DIP2C: variants seen among roughly 807,000 people sequenced by gnomAD.
DIP2C encodes the protein DIP2 acetate--CoA ligase C (putative), also known as disco-interacting protein 2 homolog C.
DIP2C carries 33 observed loss-of-function variants against 192.4 expected under a neutral mutation model. That is an observed-to-expected ratio of 0.17 (90% CI 0.13 to 0.23). The LOEUF is 0.23. Ranked by LOEUF, DIP2C falls within the 10% of genes least tolerant of loss-of-function variation. The pLI, the probability that DIP2C is intolerant of heterozygous loss-of-function variation, is 1.00. For synonymous variants in DIP2C, 979 were observed against 864.1 expected (o/e 1.13, Z -2.33); for missense variants, 1,537 against 2,110.1 (o/e 0.73, Z 5.32).
At chr10:293,531 A>G (rs952969811) in intron 32 of DIP2C, among the ~76,000 whole-genome samples, 1 of 152,218 alleles carries the variant, frequency 6.6e-6, no homozygotes, top group African/African-American at 2.4e-5. Flanking sequence ...AAAATCCCCA[A>G]AGATAGAGGG....
At chr10:379,648 TAC>T (rs1962145230) in intron 17 of DIP2C, among the ~76,000 whole-genome samples, 1 of 152,242 alleles carries the variant, frequency 6.6e-6, no homozygotes, top group Non-Finnish European at 1.5e-5. Context: ...CACTAAGTGA[TAC>T]ATATTCCAGA....
chr10:613,132 A>C (rs1853215353), intron 1 of DIP2C, among the ~76,000 whole-genome samples: 1 of 152,200 alleles, frequency 6.6e-6, no homozygotes, highest in South Asian at 2.1e-4. Context: ...TGCAAAAAAC[A>C]GTCACTCATT....
chr10:389,592 T>C (rs1417995228), intron 13 of DIP2C, among the ~76,000 whole-genome samples: 2 of 152,114 alleles, frequency 1.3e-5, no homozygotes, highest in African/African-American at 4.8e-5. Flanking sequence ...CAGATCCACA[T>C]GCTGAAGCCC....
chr10:376,798 G>A (rs753576915), intron 17 of DIP2C, among the ~76,000 whole-genome samples: 16 of 152,160 alleles, frequency 1.1e-4, no homozygotes, highest in African/African-American at 2.4e-4. Flanking sequence ...TTAAAGGACA[G>A]GAGCAGTTAA....
rs144802211 is a variant in DIP2C at position 325,174 on chromosome 10, AGAATGGCGT to A, written c.3924+1823_3924+1831del. Reference sequence around the variant, plus strand: ...CAGATGCTGGGGAAGCTGAGGCAGGAGAATGGCGTGAACCCAGCAGGTGGAGCTTGCAGT... The same window carrying A: ...CAGATGCTGGGGAAGCTGAGGCAGGAGAACCCAGCAGGTGGAGCTTGCAGT... On this transcript the variant is annotated intron_variant, in intron 31 of 36. Transcript: ENST00000280886. 9.8e-3 allele frequency among the ~76,000 whole-genome samples: 1,489 copies of A among 152,268 alleles called. 29 individuals carry two copies. Among genetic ancestry groups the A allele is most frequent in the African/African-American group, 0.033 (1,366 of 41,554 alleles).
chr10:655,204 G>A (rs1856204364), intron 1 of DIP2C, among the ~76,000 whole-genome samples: 1 of 152,172 alleles, frequency 6.6e-6, no homozygotes, highest in African/African-American at 2.4e-5. Context: ...AACTGGGAAG[G>A]GGGCAACCAG....
chr10:472,960 ATT>A (rs1970750704), intron 2 of DIP2C, among the ~76,000 whole-genome samples: 1 of 152,250 alleles, frequency 6.6e-6, no homozygotes, highest in South Asian at 2.1e-4. Flanking sequence ...TATATTTGTT[ATT>A]AAAGTAATTG....
intron 1 of DIP2C, among the ~76,000 whole-genome samples, chr10:533,856 A>C (rs961836073): frequency 2.0e-5 from 3 of 152,130 alleles, no homozygotes. Context: ...TGGGAAAATG[A>C]ACTTTCTAAA....
intron 1 of DIP2C, among the ~76,000 whole-genome samples, chr10:586,808 G>A (rs1773521): frequency 0.022 from 3,281 of 152,262 alleles, 115 homozygotes; most frequent in African/African-American, 0.075. Flanking sequence ...GGTAAGCCTT[G>A]GTCTTGTTTC....
chr10:383,189 A>T (rs1962534826), intron 16 of DIP2C, among the ~76,000 whole-genome samples: 1 of 152,238 alleles, frequency 6.6e-6, no homozygotes, highest in African/African-American at 2.4e-5. Context: ...TTTATGCAAG[A>T]TGTATTGTTT....
intron 17 of DIP2C, among the ~76,000 whole-genome samples, chr10:372,933 C>G (rs1242714386): frequency 2.0e-5 from 3 of 152,254 alleles, no homozygotes; most frequent in Admixed American, 6.5e-5. Flanking sequence ...CTCCAGATGG[C>G]AAACCAGTGC....
At chr10:662,649 A>ATT in intron 1 of DIP2C, 1 of 562,590 alleles carries the variant, frequency 1.8e-6, no homozygotes, top group African/African-American at 1.9e-5. Context: ...ATATGGGGGA[A>ATT]TTTTTTTTTC....
Position 414,052 on chromosome 10 carries a change from G to A in DIP2C, c.918C>T (p.Arg306=), listed in dbSNP as rs774339455. Residue 306 remains arginine (R), a synonymous_variant, in exon 8 of 37, where the codon CGC becomes CGT. Coordinates refer to ENST00000280886, the MANE Select transcript of DIP2C (RefSeq NM_014974.3). ...KPEGAQMLAM[R]GEQLGVVTNW... ...TCGTGACCACGCCCAGCTGCTCTCC[G>A]CGCATGGCCAGCATCTGGGCCCCCT... 1.8e-5 allele frequency: 29 copies of A among 1,613,900 alleles called. No individual in the cohort carries two copies. The highest frequency in any genetic ancestry group is 6.6e-5 in the South Asian group (6 of 91,062).
intron 19 of DIP2C, among the ~76,000 whole-genome samples, chr10:365,807 C>T (rs143304318): frequency 1.3e-5 from 2 of 152,336 alleles, no homozygotes; most frequent in Non-Finnish European, 2.9e-5. Flanking sequence ...TACACGTGTG[C>T]TCGAGTTCTC....
chr10:373,181 G>A (rs1244603459), intron 17 of DIP2C, among the ~76,000 whole-genome samples: 1 of 152,164 alleles, frequency 6.6e-6, no homozygotes, highest in Admixed American at 6.5e-5. Flanking sequence ...CTGATCCCAG[G>A]ACACTGAGTG....
At chr10:577,097 C>G (rs1425159252) in intron 1 of DIP2C, among the ~76,000 whole-genome samples, 1 of 152,110 alleles carries the variant, frequency 6.6e-6, no homozygotes, top group Non-Finnish European at 1.5e-5. Context: ...TCAAGTGTGA[C>G]TAACAACAAA....
Position 373,657 on chromosome 10 carries a change from G to A in DIP2C, c.1992-4024C>T, listed in dbSNP as rs190073468. On this transcript the variant is annotated intron_variant, in intron 17 of 36. Coordinates refer to ENST00000280886, the MANE Select transcript of DIP2C (RefSeq NM_014974.3). ...CTAAGCCCAGGGCATAAAATCCCTCGTGGCTTGGATAGAATCCAGGGCTTG... is the reference window on the plus strand; with the variant it reads ...CTAAGCCCAGGGCATAAAATCCCTCATGGCTTGGATAGAATCCAGGGCTTG... Among the ~76,000 whole-genome samples the A allele has an allele frequency of 6.6e-4, 100 of 152,242 alleles. 1 individual carries two copies. The highest frequency in any genetic ancestry group is 2.3e-3 in the African/African-American group (94 of 41,522).
At chr10:314,029 C>T (rs1004256217) in intron 31 of DIP2C, among the ~76,000 whole-genome samples, 5 of 152,158 alleles carry the variant, frequency 3.3e-5, no homozygotes, top group African/African-American at 1.2e-4. Flanking sequence ...TTATGTAGTA[C>T]ACTAGGTAAG....
chr10:400,072 G>A (rs1261694719), intron 9 of DIP2C, among the ~76,000 whole-genome samples: 1 of 152,172 alleles, frequency 6.6e-6, no homozygotes, highest in African/African-American at 2.4e-5. Context: ...AAAGAAACAA[G>A]TTCACTCTAT....
Sources: gnomAD v4.1 joint callset for allele counts (sites outside exome capture counted in the v4.1 genomes callset) on GRCh38, gnomAD v4.1.1 for gene constraint, MANE v1.5 for transcripts, NCBI Gene and HGNC (gene_info 2026-07-23, HGNC 2026-07-21) for gene names.